RAPGEF6: variants seen among roughly 807,000 people sequenced by gnomAD.
RAPGEF6 encodes the protein Rap guanine nucleotide exchange factor 6.
RAPGEF6 carries 56 observed loss-of-function variants against 171.4 expected under a neutral mutation model. That is an observed-to-expected ratio of 0.33 (90% CI 0.26 to 0.41). The LOEUF is 0.41. Among genes scored for constraint, RAPGEF6 ranks in the 10% least tolerant of loss-of-function variants. The pLI is 1.00. For missense variants in RAPGEF6, 1,674 were observed against 1,921.4 expected (o/e 0.87, Z 2.41); for synonymous variants, 692 against 650.1 (o/e 1.06, Z -0.98).
chr5:131,620,592 T>A (rs1269737172), intron 1 of RAPGEF6, among the ~76,000 whole-genome samples: 1 of 152,030 alleles, frequency 6.6e-6, no homozygotes, highest in Non-Finnish European at 1.5e-5. Context: ...CTTTTTTTTT[T>A]CTTTTCTTTT....
chr5:131,477,847 C>G (rs1281951622), intron 16 of RAPGEF6, among the ~76,000 whole-genome samples: 5 of 152,094 alleles, frequency 3.3e-5, no homozygotes, highest in African/African-American at 9.7e-5. Context: ...GGCATTACCC[C>G]CTGAGGAATT....
In RAPGEF6 at chr5:131,554,664, C is replaced by T. The variant is rs540434527; in HGVS notation, c.352-6474G>A. ...CCTCCCAAGTAGCTGGGATTAGAGG[C>T]GCCTACCACACCTGGCTAATTTTTG... On this transcript the variant is annotated intron_variant, in intron 5 of 27. Coordinates refer to ENST00000509018, the MANE Select transcript of RAPGEF6 (RefSeq NM_016340.6). Among the ~76,000 whole-genome samples the T allele has an allele frequency of 3.3e-5, 5 of 152,188 alleles. No individual in the cohort carries two copies. The South Asian group carries it at 6.2e-4, about 19-fold the overall frequency.
intron 5 of RAPGEF6, among the ~76,000 whole-genome samples, chr5:131,554,128 G>A (rs181616416): frequency 1.7e-4 from 26 of 152,016 alleles, no homozygotes; most frequent in African/African-American, 5.5e-4. Flanking sequence ...CTCAAAATAC[G>A]ATGAATGTAA....
At chr5:131,444,870 C>T (rs1013957733) in intron 22 of RAPGEF6, among the ~76,000 whole-genome samples, 4 of 152,158 alleles carry the variant, frequency 2.6e-5, no homozygotes, top group Non-Finnish European at 4.4e-5. Context: ...TAAATATGTA[C>T]ATGGCTTTGA....
chr5:131,628,402 C>A (rs1408237511), intron 1 of RAPGEF6, among the ~76,000 whole-genome samples: 2 of 152,224 alleles, frequency 1.3e-5, no homozygotes, highest in East Asian at 3.9e-4. Context: ...CACAGCAAGG[C>A]CCTAACTTTT....
rs1400205493 is a variant in RAPGEF6, at chr5:131,464,181, A to T, written c.2340T>A (p.Ala780=). The T allele has an allele frequency of 6.2e-7, 1 of 1,613,910 alleles. No homozygotes were observed. The stretch of plus-strand genomic sequence containing the variant: ...CACCGGTCAAACCAAATTCATGAAC[A>T]GCATGAAAAACTACTTCTTTAGCTG... ...DTTAKEVVFH[A]VHEFGLTGAS... is the part of the protein sequence containing the mutation. Residue 780 remains alanine, a synonymous_variant, in exon 18 of 28, where the codon GCT becomes GCA. Coordinates refer to ENST00000509018, the MANE Select transcript of RAPGEF6 (RefSeq NM_016340.6).
At chr5:131,572,363 C>T (rs143808520) in intron 4 of RAPGEF6, among the ~76,000 whole-genome samples, 381 of 152,288 alleles carry the variant, frequency 2.5e-3, no homozygotes, top group African/African-American at 2.7e-3. Flanking sequence ...TAACCTCTCT[C>T]GCCTCCCTTC....
intron 16 of RAPGEF6, among the ~76,000 whole-genome samples, chr5:131,476,457 T>G (rs116238917): frequency 1.0e-3 from 156 of 152,014 alleles, no homozygotes; most frequent in African/African-American, 3.6e-3. Flanking sequence ...ATTTATTTAT[T>G]TATTTATTTA....
chr5:131,566,449 A>C (rs1761942205), intron 4 of RAPGEF6, among the ~76,000 whole-genome samples: 1 of 152,174 alleles, frequency 6.6e-6, no homozygotes. Context: ...CATGGTATAA[A>C]ATACTTTAAA....
chr5:131,476,759 T>TG (rs1343228998), intron 16 of RAPGEF6, among the ~76,000 whole-genome samples: 2 of 152,200 alleles, frequency 1.3e-5, no homozygotes, highest in Non-Finnish European at 2.9e-5. Flanking sequence ...CTCAACCTCC[T>TG]GGCCTCAAGT....
chr5:131,449,489 C>T (rs1426460497), intron 21 of RAPGEF6, among the ~76,000 whole-genome samples: 4 of 152,090 alleles, frequency 2.6e-5, no homozygotes, highest in Non-Finnish European at 4.4e-5. Context: ...TCACAAACAT[C>T]TTTCATTCAT....
At chr5:131,570,750 ACT>A (rs1474128712) in intron 4 of RAPGEF6, among the ~76,000 whole-genome samples, 1 of 152,090 alleles carries the variant, frequency 6.6e-6, no homozygotes, top group Admixed American at 6.6e-5. Context: ...TAAGTAAAAT[ACT>A]CTCTCTATAT....
In RAPGEF6 at chr5:131,462,095, G is replaced by A; in HGVS notation, c.2481-7C>T. 2.0e-6 allele frequency: 3 copies of A among 1,466,062 alleles called. No homozygotes were observed. The highest frequency in any genetic ancestry group is 1.5e-5 in the South Asian group (1 of 65,840). The allele number at this position is 1,466,062 out of a possible 1,614,324, so 90.8% of individuals were successfully genotyped here. A position where few individuals can be genotyped will look rare whatever the true frequency, so the allele number is the denominator to read the frequency against. ...GTTATTTTTTAAGTAATACCTAAAT[G>A]GAAAAATTTTTTTAAATAAATGTAT... On this transcript the variant is annotated splice_polypyrimidine_tract_variant and splice_region_variant and intron_variant, in intron 18 of 27. Coordinates refer to ENST00000509018, the MANE Select transcript of RAPGEF6 (RefSeq NM_016340.6).
At chr5:131,539,319 G>A (rs1238825569) in intron 6 of RAPGEF6, among the ~76,000 whole-genome samples, 1 of 152,194 alleles carries the variant, frequency 6.6e-6, no homozygotes, top group Non-Finnish European at 1.5e-5. Flanking sequence ...AGTTCACAAT[G>A]TTAACAAGCT....
intron 27 of RAPGEF6, 148 bp from the exon 28 acceptor site, chr5:131,427,439 TG>T: frequency 1.5e-6 from 1 of 655,382 alleles, no homozygotes; most frequent in Non-Finnish European, 2.6e-6. Context: ...ATAATACCTA[TG>T]ATTTCTGATC....
At chr5:131,560,877 G>T (rs1761555329) in intron 5 of RAPGEF6, among the ~76,000 whole-genome samples, 1 of 152,196 alleles carries the variant, frequency 6.6e-6, no homozygotes, top group Admixed American at 6.5e-5. Context: ...CTATTTGAAG[G>T]TATCAATCTG....
chr5:131,583,398 C>T (rs1763077867), intron 4 of RAPGEF6, among the ~76,000 whole-genome samples: 1 of 152,200 alleles, frequency 6.6e-6, no homozygotes, highest in Non-Finnish European at 1.5e-5. Context: ...AGACCTAAGG[C>T]CATGCAAGGC....
At chr5:131,518,732 T>C (rs1298594769) in intron 7 of RAPGEF6, among the ~76,000 whole-genome samples, 1 of 152,122 alleles carries the variant, frequency 6.6e-6, no homozygotes, top group East Asian at 1.9e-4. Context: ...TTGACTACTC[T>C]TAAAAAATTT....
rs769338199 is a variant in RAPGEF6 at position 131,450,050 on chromosome 5, T to C, written c.3200+3004A>G. 4 of 1,543,244 alleles carry C rather than the reference T, an allele frequency of 2.6e-6. No individual in the cohort carries two copies. In the South Asian group the frequency reaches 4.7e-5, roughly 18 times the overall value. The stretch of plus-strand genomic sequence containing the variant: ...CAGACTCCGCCACCTCTTCTTCCTG[T>C]AAGCAAGAGCCACAAACATTGAAGC... On this transcript the variant is annotated intron_variant, in intron 21 of 27. Transcript: ENST00000509018.
Sources: gnomAD v4.1 joint callset for allele counts (sites outside exome capture counted in the v4.1 genomes callset) on GRCh38, gnomAD v4.1.1 for gene constraint, MANE v1.5 for transcripts, NCBI Gene and HGNC (gene_info 2026-07-23, HGNC 2026-07-21) for gene names.